Variants in MARK2 observed in about 807,000 individuals in gnomAD.
MARK2 encodes serine/threonine-protein kinase MARK2.
Under a neutral mutation model 89.8 loss-of-function variants are expected in MARK2, and 16 were observed. That is an observed-to-expected ratio of 0.18 (90% confidence interval 0.12 to 0.27). The LOEUF is 0.27. Among genes scored for constraint, MARK2 ranks in the 10% least tolerant of loss-of-function variants. MARK2 has a pLI of 1.00. For missense variants in MARK2, 621 were observed against 1,049.9 expected, an observed-to-expected ratio of 0.59 and a Z score of 5.65; for synonymous variants, 382 against 399.5, an observed-to-expected ratio of 0.96 and a Z score of 0.52.
At chr11:63,860,101 T>G (rs116647005) in intron 1 of MARK2, among the ~76,000 whole-genome samples, 98 of 152,348 alleles carry the variant, frequency 6.4e-4, no homozygotes, top group African/African-American at 2.2e-3. Context: ...GTATATAATC[T>G]GTAAACTACC....
At chr11:63,907,985 C>T (rs936527594) in intron 17 of MARK2, among the ~76,000 whole-genome samples, 10 of 152,266 alleles carry the variant, frequency 6.6e-5, no homozygotes, top group Non-Finnish European at 1.3e-4. Context: ...CCTCCTCCCC[C>T]AGAGCAGAGG....
At chr11:63,858,502 C>T (rs112359820) in intron 1 of MARK2, among the ~76,000 whole-genome samples, 2,847 of 152,116 alleles carry the variant, frequency 0.019, 38 homozygotes, top group Middle Eastern at 0.041. Context: ...TACAGGCATG[C>T]GCCACCACAC....
At position 63,909,252 on chromosome 11, in the gene MARK2, C is replaced by G. The variant is rs756987099; in HGVS notation, c.*15C>G. On this transcript the variant is annotated 3_prime_UTR_variant, in exon 19 of 19. Coordinates refer to ENST00000402010, the MANE Select transcript of MARK2 (RefSeq NM_001039469.3). ...TGAAGCTTTAACAGGCTGCCAGGAG[C>G]GGGGGCGGCGGGGGCGGGCCAGCTG... 1 of 1,556,904 alleles carries G rather than the reference C, an allele frequency of 6.4e-7. No homozygotes were observed. Among genetic ancestry groups the G allele is most frequent in the Admixed American group, 1.8e-5 (1 of 56,312 alleles).
In MARK2 at chr11:63,909,560, A is replaced by C. The variant is rs1031070437; in HGVS notation, c.*323A>C. ...ACAGAGTATTTCGCCTAAACCAAGA[A>C]ATTTTTTATTACCAAAAAGAAAAAA... On this transcript the variant is annotated 3_prime_UTR_variant, in exon 19 of 19. Transcript: ENST00000402010. The C allele has an allele frequency of 5.6e-5, 12 of 215,640 alleles. No individual in the cohort carries two copies. The South Asian group carries it at 1.8e-3, about 32-fold the overall frequency. The allele number at this position is 215,640 out of a possible 1,614,324, so 13.4% of individuals were successfully genotyped here. A position where few individuals can be genotyped will look rare whatever the true frequency, so the allele number is the denominator to read the frequency against.
At chr11:63,864,122 T>A (rs11231623) in intron 1 of MARK2, among the ~76,000 whole-genome samples, 93,796 of 151,444 alleles carry the variant, frequency 0.62, 29,495 homozygotes, top group East Asian at 0.94. Flanking sequence ...CCCGGCTAAT[T>A]TTTTTGTATT....
At chr11:63,868,019 C>A (rs996399571) in intron 1 of MARK2, among the ~76,000 whole-genome samples, 2 of 152,184 alleles carry the variant, frequency 1.3e-5, no homozygotes, top group Non-Finnish European at 2.9e-5. Flanking sequence ...TGTATCACTT[C>A]GGACACCCAG....
chr11:63,865,108 C>G (rs1003024110), intron 1 of MARK2, among the ~76,000 whole-genome samples: 5 of 152,078 alleles, frequency 3.3e-5, no homozygotes, highest in African/African-American at 9.7e-5. Flanking sequence ...CCAGGCTGGC[C>G]TGGAACTCCT....
rs35231498 is a variant in MARK2 at position 63,901,473 on chromosome 11, C to CT, written c.1101+426dup. 1.4e-3 allele frequency among the ~76,000 whole-genome samples: 83 copies of CT among 57,696 alleles called. 10 individuals are homozygous for CT. Among genetic ancestry groups the CT allele is most frequent in the African/African-American group, 4.2e-3 (53 of 12,486 alleles). The allele number at this position is 57,696 out of a possible 152,430, so 37.9% of individuals were successfully genotyped here. A position where few individuals can be genotyped will look rare whatever the true frequency, so the allele number is the denominator to read the frequency against. ...TCTGATCGGAAGTTTGAGTCTGTTG[C>CT]TTTTTTTTTTTTTTTTTTTTTTGAG... On this transcript the variant is annotated intron_variant, in intron 11 of 18. Transcript: ENST00000402010.
chr11:63,899,140 G>T lies in MARK2; in HGVS notation c.531+32G>T, dbSNP rs1258540991. On this transcript the variant is annotated intron_variant, in intron 7 of 18. Coordinates refer to ENST00000402010, the MANE Select transcript of MARK2 (RefSeq NM_001039469.3). ...CATGCACTTCTCCTTGTGCCTTTGA[G>T]TGGGAGCCAGGTTGTTGCCTCTTGG... 4 of 1,478,580 alleles carry T rather than the reference G, an allele frequency of 2.7e-6. No individual in the cohort carries two copies. The South Asian group carries it at 3.4e-5, about 13-fold the overall frequency. The allele number at this position is 1,478,580 out of a possible 1,614,324, so 91.6% of individuals were successfully genotyped here. A position where few individuals can be genotyped will look rare whatever the true frequency, so the allele number is the denominator to read the frequency against.
At chr11:63,855,554 G>T (rs955305082) in intron 1 of MARK2, among the ~76,000 whole-genome samples, 1 of 151,346 alleles carries the variant, frequency 6.6e-6, no homozygotes, top group Non-Finnish European at 1.5e-5. Flanking sequence ...AGTGCAGGAT[G>T]ACTAATGTAA....
In MARK2 at chr11:63,909,019, G is replaced by C. The variant is rs1466790998; in HGVS notation, c.2149G>C (p.Val717Leu). ...PNEMMREIRKVLDANSCQSEL... is the reference protein window; with the variant it reads ...PNEMMREIRKLLDANSCQSEL... ...CGAGATGATGCGGGAGATCCGCAAG[G>C]TGCTGGACGCGAACAGCTGCCAGAG... Residue 717 changes from valine (V) to leucine (L), a missense_variant, in exon 19 of 19, where the codon GTG becomes CTG. This residue lies in a region of MARK2 where 49 missense variants were observed against 46.7 expected (regional missense o/e 1.05). Transcript: ENST00000402010. The C allele has an allele frequency of 6.3e-7, 1 of 1,595,800 alleles. No individual in the cohort carries two copies. Among genetic ancestry groups the C allele is most frequent in the East Asian group, 2.3e-5 (1 of 44,316 alleles).
Position 63,906,082 on chromosome 11 carries a change from T to A in MARK2, c.1935-6T>A. ...TATTTTGTCTTTTTTTTGTTTGTTT[T>A]TTTAGAAATCTGTCTTTCAGGTTTG... On this transcript the variant is annotated splice_region_variant and splice_polypyrimidine_tract_variant and intron_variant, in intron 16 of 18. Transcript: ENST00000402010. 1 of 1,358,114 alleles carries A rather than the reference T, an allele frequency of 7.4e-7. No individual in the cohort carries two copies. Among genetic ancestry groups the A allele is most frequent in the Non-Finnish European group, 9.5e-7 (1 of 1,051,242 alleles). 84.1% of individuals were successfully genotyped at this position (1,358,114 alleles called of 1,614,324 possible). A position where few individuals can be genotyped will look rare whatever the true frequency, so the allele number is the denominator to read the frequency against.
At chr11:63,881,827 A>G (rs949109285) in intron 1 of MARK2, among the ~76,000 whole-genome samples, 3 of 152,194 alleles carry the variant, frequency 2.0e-5, no homozygotes, top group African/African-American at 7.2e-5. Context: ...ATAGTGGCAC[A>G]CACCTGTAGT....
intron 1 of MARK2, among the ~76,000 whole-genome samples, chr11:63,845,035 C>G (rs993497118): frequency 9.8e-5 from 15 of 152,310 alleles, no homozygotes; most frequent in Admixed American, 7.8e-4. Context: ...GTGATAGCTT[C>G]TCTGCTAAAT....
In MARK2 at chr11:63,900,171, C is replaced by T; in HGVS notation, c.768+61C>T. 7.9e-7 allele frequency: 1 copy of T among 1,269,226 alleles called. No individual in the cohort carries two copies. Among genetic ancestry groups the T allele is most frequent in the East Asian group, 2.3e-5 (1 of 43,084 alleles). The allele number at this position is 1,269,226 out of a possible 1,614,324, so 78.6% of individuals were successfully genotyped here. On this transcript the variant is annotated intron_variant, in intron 8 of 18. Transcript: ENST00000402010. The surrounding 1 kb of genome is among the most constrained non-coding windows in gnomAD (Gnocchi z 4.7). ...TTCCTCTCGGCCTCTGGTCTTAGCC[C>T]TGACCTCCTGCCTTTGCCACCTGTC...
chr11:63,845,633 A>G (rs1216007312), intron 1 of MARK2, among the ~76,000 whole-genome samples: 1 of 152,184 alleles, frequency 6.6e-6, no homozygotes, highest in Non-Finnish European at 1.5e-5. Context: ...GAGCCAGGCT[A>G]TCCCCAGGTT....
At position 63,888,248 on chromosome 11, in the gene MARK2, G is replaced by C. The variant is rs565541688; in HGVS notation, c.55-6911G>C. Among the ~76,000 whole-genome samples, 4 of 152,262 alleles carry C rather than the reference G, an allele frequency of 2.6e-5. No individual in the cohort carries two copies. In the East Asian group the frequency reaches 5.8e-4, roughly 22 times the overall value. On this transcript the variant is annotated intron_variant, in intron 1 of 18. Coordinates refer to ENST00000402010, the MANE Select transcript of MARK2 (RefSeq NM_001039469.3). Reference sequence around the variant, plus strand: ...CCCTCCTCCCCACTTCGTTCTTGAGGGGGTGGTTTGCTGGTCTTTGGCAGG... The same window carrying C: ...CCCTCCTCCCCACTTCGTTCTTGAGCGGGTGGTTTGCTGGTCTTTGGCAGG...
intron 16 of MARK2, among the ~76,000 whole-genome samples, chr11:63,905,350 C>G (rs1475397550): frequency 6.6e-6 from 1 of 152,202 alleles, no homozygotes; most frequent in African/African-American, 2.4e-5. Context: ...AAAAGCCCCC[C>G]CTTCTCTCCT....
chr11:63,875,827 AGT>A (rs1327142213), intron 1 of MARK2, among the ~76,000 whole-genome samples: 1 of 152,238 alleles, frequency 6.6e-6, no homozygotes. Flanking sequence ...AGGAGCTGGA[AGT>A]GTGGCTAAGC....
Sources: gnomAD v4.1 joint callset for allele counts (sites outside exome capture counted in the v4.1 genomes callset) on GRCh38, gnomAD v4.1.1 for gene constraint, gnomAD v4.1.1 regional missense constraint, Gnocchi (gnomAD v3.1) non-coding constraint, MANE v1.5 for transcripts, NCBI Gene and HGNC (gene_info 2026-07-23, HGNC 2026-07-21) for gene names.